SLAMF9: variants seen among roughly 807,000 people sequenced by gnomAD.
SLAMF9 encodes SLAM family member 9, also known as CD2 family member 10.
SLAMF9 carries 25 observed loss-of-function variants against 30.4 expected under a neutral mutation model. The ratio of observed to expected loss-of-function variants is 0.82; its 90% CI spans 0.60 to 1.15. The LOEUF (loss-of-function observed/expected upper bound fraction) is 1.15. Among genes scored for constraint, SLAMF9 ranks in the 50% most tolerant of loss-of-function variants. The pLI, the probability that SLAMF9 is intolerant of heterozygous loss-of-function variation, is 0.00. For missense variants in SLAMF9, 344 were observed against 346.1 expected (o/e 0.99, Z 0.05); for synonymous variants, 129 against 127.2 (o/e 1.01, Z -0.09).
At chr1:159,959,065 T>C (rs1204680147), upstream of SLAMF9, among the ~76,000 whole-genome samples, 1 of 152,176 alleles carries the variant, frequency 6.6e-6, no homozygotes, top group Non-Finnish European at 1.5e-5. Flanking sequence ...CTCTCTACTA[T>C]GCTCAGCTTG....
chr1:159,978,806 G>C, the SLAMF9 span: 15 of 152,308 alleles, frequency 9.8e-5, no homozygotes, highest in Admixed American at 8.5e-4. Context: ...CAGTGCCTCT[G>C]AGTTTGTTTA....
In SLAMF9 at chr1:159,953,622, T is replaced by C; in HGVS notation, c.78A>G (p.Gly26=). ...GAAGGACCGCAACCACTTCCTCGGA[T>C]CCACACCATCTCCAGAGTCTCCTTT... ...GSQRRLWRWC[G]SEEVVAVLQE... The change falls in exon 2 of 4, where the codon GGA becomes GGG. Residue 26 remains glycine (G), a synonymous_variant. Transcript: ENST00000368093. The C allele has an allele frequency of 6.2e-7, 1 of 1,610,128 alleles. No individual in the cohort carries two copies. Among genetic ancestry groups the C allele is most frequent in the African/African-American group, 1.3e-5 (1 of 74,998 alleles).
At chr1:159,981,304 C>G in the SLAMF9 span, among the ~76,000 whole-genome samples, 1 of 152,196 alleles carries the variant, frequency 6.6e-6, no homozygotes, top group Admixed American at 6.5e-5. Flanking sequence ...CAGAAGAAAC[C>G]AACCCTGCTG....
the SLAMF9 span, among the ~76,000 whole-genome samples, chr1:159,967,604 C>T: frequency 5.3e-5 from 8 of 152,090 alleles, no homozygotes; most frequent in Non-Finnish European, 7.4e-5. Flanking sequence ...TTGTTCCCTA[C>T]GAACTTAAGG....
chr1:159,980,937 C>T, the SLAMF9 span, among the ~76,000 whole-genome samples: 149 of 152,318 alleles, frequency 9.8e-4, no homozygotes, highest in Non-Finnish European at 1.9e-3. Context: ...TTGCGTCACA[C>T]GCAGAAGCAG....
chr1:159,965,227 T>A, the SLAMF9 span, among the ~76,000 whole-genome samples: 1 of 152,112 alleles, frequency 6.6e-6, no homozygotes, highest in East Asian at 1.9e-4. Flanking sequence ...AACAAACAGA[T>A]CTGTACCGTC....
At chr1:159,955,434 G>C (rs1444855850), upstream of SLAMF9, among the ~76,000 whole-genome samples, 1 of 152,234 alleles carries the variant, frequency 6.6e-6, no homozygotes, top group African/African-American at 2.4e-5. Flanking sequence ...TTATGAGTCT[G>C]TGCTGTGAAG....
chr1:159,955,108 A>C (rs934926868), upstream of SLAMF9, among the ~76,000 whole-genome samples: 6 of 152,092 alleles, frequency 3.9e-5, no homozygotes, highest in Admixed American at 1.3e-4. Flanking sequence ...AGAGAAGAAA[A>C]AAAAAAGTAG....
At chr1:159,954,792 A>T (rs1651886925), upstream of SLAMF9, among the ~76,000 whole-genome samples, 1 of 152,194 alleles carries the variant, frequency 6.6e-6, no homozygotes, top group Non-Finnish European at 1.5e-5. Context: ...TTAAGAAAGC[A>T]GTTTGGCCGG....
chr1:159,959,302 C>G, the SLAMF9 span, among the ~76,000 whole-genome samples: 3 of 152,046 alleles, frequency 2.0e-5, no homozygotes, highest in South Asian at 6.2e-4. Flanking sequence ...TCTCTTACCC[C>G]TGACCAGGAG....
chr1:159,971,038 A>G, the SLAMF9 span, among the ~76,000 whole-genome samples: 2 of 152,190 alleles, frequency 1.3e-5, no homozygotes, highest in Non-Finnish European at 2.9e-5. Flanking sequence ...AAACTCGCCC[A>G]AGCCTCGGAG....
At chr1:159,975,483 G>A in the SLAMF9 span, among the ~76,000 whole-genome samples, 1 of 152,174 alleles carries the variant, frequency 6.6e-6, no homozygotes, top group Non-Finnish European at 1.5e-5. Flanking sequence ...TGGAGAGGCA[G>A]GCTGTGAAGA....
chr1:159,973,440 G>C, the SLAMF9 span, among the ~76,000 whole-genome samples: 1 of 152,256 alleles, frequency 6.6e-6, no homozygotes, highest in Non-Finnish European at 1.5e-5. Context: ...TCACCCACAA[G>C]CTCTGAAATG....
At chr1:159,970,593 C>T in the SLAMF9 span, among the ~76,000 whole-genome samples, 1 of 152,176 alleles carries the variant, frequency 6.6e-6, no homozygotes, top group African/African-American at 2.4e-5. Context: ...AGTTTGGATA[C>T]TGAGCTTGTT....
chr1:159,976,603 A>G, the SLAMF9 span: 1 of 152,146 alleles, frequency 6.6e-6, no homozygotes, highest in African/African-American at 2.4e-5. Flanking sequence ...TTAAAAAGCT[A>G]AATAAAATAA....
chr1:159,951,993 G>A, intron 3 of SLAMF9, 127 bp from the exon 4 acceptor site: 2 of 789,064 alleles, frequency 2.5e-6, no homozygotes, highest in Non-Finnish European at 4.1e-6. Flanking sequence ...CCTTGCAAGT[G>A]TCTCTGGAAA....
the SLAMF9 span, among the ~76,000 whole-genome samples, chr1:159,963,131 G>C: frequency 1.3e-5 from 2 of 152,198 alleles, no homozygotes; most frequent in Non-Finnish European, 2.9e-5. Flanking sequence ...TTATAGGGTG[G>C]TTGGGAAAAT....
At chr1:159,979,496 C>T in the SLAMF9 span, among the ~76,000 whole-genome samples, 1 of 152,150 alleles carries the variant, frequency 6.6e-6, no homozygotes, top group South Asian at 2.1e-4. Flanking sequence ...GGCAAATGTG[C>T]AAGCTTTAGC....
chr1:159,976,005 G>A, the SLAMF9 span, among the ~76,000 whole-genome samples: 1 of 152,122 alleles, frequency 6.6e-6, no homozygotes, highest in Non-Finnish European at 1.5e-5. Context: ...TAGAGACTTG[G>A]GAGTCATTTA....
Sources: gnomAD v4.1 joint callset for allele counts (sites outside exome capture counted in the v4.1 genomes callset) on GRCh38, gnomAD v4.1.1 for gene constraint, MANE v1.5 for transcripts, NCBI Gene and HGNC (gene_info 2026-07-23, HGNC 2026-07-21) for gene names.